Variants in TACC1 observed in about 807,000 individuals in gnomAD.
TACC1 encodes transforming acidic coiled-coil containing protein 1.
In TACC1, 48 loss-of-function variants were observed where a neutral mutation model predicts 84.4. The ratio of observed to expected loss-of-function variants is 0.57; its 90% CI spans 0.45 to 0.72. The LOEUF (loss-of-function observed/expected upper bound fraction) is 0.72, where lower values mean the gene tolerates loss of function less well. Ranked by LOEUF, TACC1 falls within the 30% of genes least tolerant of loss-of-function variation. The pLI is 0.00. For synonymous variants in TACC1, 372 were observed against 376.3 expected, an observed-to-expected ratio of 0.99 and a Z score of 0.13; for missense variants, 920 against 973.0, an observed-to-expected ratio of 0.95 and a Z score of 0.72.
intron 8 of TACC1, among the ~76,000 whole-genome samples, chr8:38,838,948 G>A (rs1830719186): frequency 6.6e-6 from 1 of 151,762 alleles, no homozygotes; most frequent in Admixed American, 6.6e-5. Flanking sequence ...CCAGGCTGGA[G>A]TGCAGTGGTG....
At position 38,819,900 on chromosome 8, in the gene TACC1, G is replaced by C. The variant is rs755176279; in HGVS notation, c.656G>C (p.Cys219Ser). 12 of 1,613,972 alleles carry C rather than the reference G, an allele frequency of 7.4e-6. No homozygotes were observed. Among genetic ancestry groups the C allele is most frequent in the Non-Finnish European group, 8.5e-7 (1 of 1,180,044 alleles). ...AEADLKAGNS[C>S]PELVPSRRSK... Reference sequence around the variant, plus strand: ...GCTGATCTAAAAGCTGGCAACTCCTGTCCAGAGCTTGTGCCCAGCAGAAGA... The same window carrying C: ...GCTGATCTAAAAGCTGGCAACTCCTCTCCAGAGCTTGTGCCCAGCAGAAGA... The change falls in exon 3 of 13, where the codon TGT becomes TCT. Residue 219 changes from cysteine to serine, a missense_variant. Physicochemically the swap from Cys to Ser is moderately radical, Grantham distance 112 (BLOSUM62 -1). This residue lies in a region of TACC1 where 762 missense variants were observed against 747.3 expected (regional missense o/e 1.02). Coordinates refer to ENST00000317827, the MANE Select transcript of TACC1 (RefSeq NM_006283.3).
chr8:38,745,834 G>A (rs1308277468), intron 3 of TACC1, among the ~76,000 whole-genome samples: 7 of 151,544 alleles, frequency 4.6e-5, no homozygotes, highest in Non-Finnish European at 1.0e-4. Context: ...ATGAGCCACC[G>A]CACCCAGCCT....
exon 3 of TACC1, chr8:38,745,363 G>A (rs1216269447): frequency 8.3e-6 from 5 of 599,386 alleles, no homozygotes; most frequent in Admixed American, 6.1e-5. Flanking sequence ...TCACAACCTA[G>A]CATTCATCAT....
At chr8:38,744,655 G>GC (rs1056976034) in intron 2 of TACC1, among the ~76,000 whole-genome samples, 3 of 152,046 alleles carry the variant, frequency 2.0e-5, no homozygotes, top group African/African-American at 4.8e-5. Flanking sequence ...ACATGATGAT[G>GC]CCCCCATTGC....
intron 3 of TACC1, among the ~76,000 whole-genome samples, chr8:38,781,387 T>C (rs994922566): frequency 2.0e-5 from 3 of 149,724 alleles, no homozygotes; most frequent in Admixed American, 6.6e-5. Flanking sequence ...TATTCTTCTT[T>C]TTTTTTTTTT....
chr8:38,812,668 T>C (rs746197036), intron 2 of TACC1, among the ~76,000 whole-genome samples: 12 of 152,254 alleles, frequency 7.9e-5, no homozygotes, highest in Non-Finnish European at 1.6e-4. Flanking sequence ...GCTTAAAAAC[T>C]CATGGCTTCC....
chr8:38,838,691 T>C, intron 8 of TACC1, 145 bp downstream of exon 8: 1 of 638,786 alleles, frequency 1.6e-6, no homozygotes, highest in East Asian at 2.7e-5. Flanking sequence ...GCTTTGTGAT[T>C]GAGAATGTTA....
intron 2 of TACC1, among the ~76,000 whole-genome samples, chr8:38,795,629 C>T (rs1819791345): frequency 2.0e-5 from 3 of 152,156 alleles, no homozygotes; most frequent in Admixed American, 2.0e-4. Context: ...AGGGTATAAA[C>T]CATTTTGTCA....
intron 2 of TACC1, among the ~76,000 whole-genome samples, chr8:38,798,169 G>A (rs919002609): frequency 6.6e-6 from 1 of 151,434 alleles, no homozygotes; most frequent in African/African-American, 2.4e-5. Flanking sequence ...TGTTGCCCAG[G>A]CTGGAGTGTG....
At position 38,825,351 on chromosome 8, in the gene TACC1, C is replaced by G; in HGVS notation, c.1435C>G (p.Leu479Val). The G allele has an allele frequency of 3.1e-6, 5 of 1,614,114 alleles. No homozygotes were observed. Among genetic ancestry groups the G allele is most frequent in the Non-Finnish European group, 4.2e-6 (5 of 1,179,996 alleles). The change falls in exon 4 of 13, where the codon CTG becomes GTG. Residue 479 changes from leucine (L) to valine (V), a missense_variant. By Grantham distance (32) the Leu-to-Val change is conservative. Coordinates refer to ENST00000317827, the MANE Select transcript of TACC1 (RefSeq NM_006283.3). ...GAAGCATGAAACTCAGTCTCTCGCC[C>G]TGGATGCATGTTCTCGGGTGAGTCT... ...VKKHETQSLA[L>V]DACSRDEGAV... is the part of the protein sequence containing the mutation.
At chr8:38,783,598 C>G (rs1237723192), upstream of TACC1, among the ~76,000 whole-genome samples, 1 of 151,838 alleles carries the variant, frequency 6.6e-6, no homozygotes, top group Non-Finnish European at 1.5e-5. Context: ...TTTTTATATT[C>G]TTAGTAGAGA....
At chr8:38,730,606 T>A (rs1804731583) in intron 1 of TACC1, among the ~76,000 whole-genome samples, 2 of 152,328 alleles carry the variant, frequency 1.3e-5, no homozygotes, top group South Asian at 4.1e-4. Context: ...AGTGACTGGC[T>A]TGAGGGCACC....
intron 1 of TACC1, among the ~76,000 whole-genome samples, chr8:38,735,288 T>G (rs2151631002): frequency 6.6e-6 from 1 of 152,240 alleles, no homozygotes; most frequent in Non-Finnish European, 1.5e-5. Flanking sequence ...CAGGGGTCCT[T>G]CTATTTCTTG....
chr8:38,831,742 C>T (rs1829285617), intron 6 of TACC1, among the ~76,000 whole-genome samples: 1 of 151,874 alleles, frequency 6.6e-6, no homozygotes. Flanking sequence ...GCAATCTGCC[C>T]ACCTCCGCCT....
intron 3 of TACC1, among the ~76,000 whole-genome samples, chr8:38,823,639 A>C (rs1827359984): frequency 6.6e-6 from 1 of 152,098 alleles, no homozygotes; most frequent in African/African-American, 2.4e-5. Context: ...GATCTAATAC[A>C]CTTAATAGGG....
chr8:38,759,348 A>G (rs903220909), intron 3 of TACC1, among the ~76,000 whole-genome samples: 4 of 152,250 alleles, frequency 2.6e-5, no homozygotes, highest in Admixed American at 2.0e-4. Context: ...GCTGAGGATG[A>G]AAGTTGACTA....
At chr8:38,821,864 C>T (rs939856211) in intron 3 of TACC1, among the ~76,000 whole-genome samples, 2 of 152,134 alleles carry the variant, frequency 1.3e-5, no homozygotes, top group African/African-American at 4.8e-5. Flanking sequence ...AAACCTACTA[C>T]ACACCTAGGC....
intron 6 of TACC1, among the ~76,000 whole-genome samples, chr8:38,832,588 T>G (rs916133468): frequency 6.6e-6 from 1 of 152,242 alleles, no homozygotes; most frequent in African/African-American, 2.4e-5. Flanking sequence ...AGTCCATTCT[T>G]ATGTGGTCTT....
At chr8:38,839,727 C>G (rs1278858926) in intron 8 of TACC1, 3 of 171,310 alleles carry the variant, frequency 1.8e-5, no homozygotes, top group Non-Finnish European at 3.7e-5. Flanking sequence ...AGAGGTTGAT[C>G]TTTAAAGTCT....
Sources: allele counts gnomAD v4.1 joint callset (sites outside exome capture counted in the v4.1 genomes callset), GRCh38; gene constraint gnomAD v4.1.1; regional missense constraint gnomAD v4.1.1; transcripts MANE v1.5; gene names NCBI Gene and HGNC (gene_info 2026-07-23, HGNC 2026-07-21).